Variants in SSH1 observed in about 807,000 individuals in gnomAD.
SSH1 encodes the protein slingshot protein phosphatase 1, also known as protein phosphatase Slingshot homolog 1.
SSH1 carries 43 observed loss-of-function variants against 79.7 expected under a neutral mutation model. The ratio of observed to expected loss-of-function variants is 0.54; its 90% CI spans 0.42 to 0.70. SSH1 has a LOEUF of 0.70. Ranked by LOEUF, SSH1 falls within the 30% of genes least tolerant of loss-of-function variation. The pLI, the probability that SSH1 is intolerant of heterozygous loss-of-function variation, is 0.00. For synonymous variants in SSH1, 599 were observed against 538.3 expected (o/e 1.11, Z -1.56); for missense variants, 1,206 against 1,358.8 (o/e 0.89, Z 1.77).
chr12:108,787,892 G>T lies in SSH1; in HGVS notation c.*96C>A. ...TTAGGATGACTTCACTCGTTTAAGG[G>T]AAATCAAGATGTAAGGGGTCGATCC... is the stretch of plus-strand genomic sequence containing the variant. On this transcript the variant is annotated 3_prime_UTR_variant, in exon 15 of 15. Transcript: ENST00000326495. 1 of 1,503,604 alleles carries T rather than the reference G, an allele frequency of 6.7e-7. No individual in the cohort carries two copies. Among genetic ancestry groups the T allele is most frequent in the Non-Finnish European group, 9.2e-7 (1 of 1,089,242 alleles). 93.1% of individuals were successfully genotyped at this position (1,503,604 alleles called of 1,614,324 possible). A position where few individuals can be genotyped will look rare whatever the true frequency, so the allele number is the denominator to read the frequency against.
At position 108,779,445 on chromosome 12, in the gene SSH1, A is replaced by T. The variant is rs1446719845; in HGVS notation, c.*8543T>A. The T allele has an allele frequency of 6.6e-6, 1 of 152,030 alleles. No individual in the cohort carries two copies. The highest frequency in any genetic ancestry group is 1.5e-5 in the Non-Finnish European group (1 of 68,000). The allele number at this position is 152,030 out of a possible 1,614,324, so 9.4% of individuals were successfully genotyped here. A position where few individuals can be genotyped will look rare whatever the true frequency, so the allele number is the denominator to read the frequency against. On this transcript the variant is annotated 3_prime_UTR_variant, in exon 15 of 15. Transcript: ENST00000326495. ...ATGCATCTTTGTCTGGCTTCTTTCT[A>T]CTTCTGGGGTGGGAGAGACAGCTCT...
At chr12:108,789,778 A>AC (rs2036424575) in intron 14 of SSH1, among the ~76,000 whole-genome samples, 1 of 151,030 alleles carries the variant, frequency 6.6e-6, no homozygotes, top group African/African-American at 2.4e-5. Context: ...GGAGGAGGGC[A>AC]CCCCCCTACC....
At chr12:108,801,736 TAA>T (rs10710750) in intron 11 of SSH1, among the ~76,000 whole-genome samples, 282 of 137,630 alleles carry the variant, frequency 2.0e-3, no homozygotes, top group South Asian at 4.3e-3. Context: ...TGTGTTGTTT[TAA>T]AAAAAAAAAA....
At chr12:108,816,606 T>A (rs965540061) in intron 5 of SSH1, among the ~76,000 whole-genome samples, 3 of 152,024 alleles carry the variant, frequency 2.0e-5, no homozygotes, top group African/African-American at 7.2e-5. Flanking sequence ...TGGGGTGAGG[T>A]GTCTGAGGCG....
At chr12:108,837,092 C>T (rs756505368) in intron 2 of SSH1, 5 of 377,818 alleles carry the variant, frequency 1.3e-5, no homozygotes, top group Admixed American at 1.1e-4. Context: ...ATTAGCCGAG[C>T]GTGGTGGAGC....
chr12:108,809,658 T>C, intron 7 of SSH1, 35 bp downstream of exon 7: 1 of 1,571,988 alleles, frequency 6.4e-7, no homozygotes, highest in African/African-American at 1.3e-5. Flanking sequence ...AGAAAATATT[T>C]CTAGGGAGTT....
Position 108,807,506 on chromosome 12 carries a change from G to A in SSH1, c.731+127C>T. ...AAACGCTGGTTCTGAGAAAGCTAGGGTTCTCACTCAAGGGACTCCAGGGGA... is the reference window on the plus strand; with the variant it reads ...AAACGCTGGTTCTGAGAAAGCTAGGATTCTCACTCAAGGGACTCCAGGGGA... On this transcript the variant is annotated intron_variant, in intron 8 of 14. Transcript: ENST00000326495. The surrounding 1 kb of genome is among the most constrained non-coding windows in gnomAD (Gnocchi z 5.2). 1 of 823,114 alleles carries A rather than the reference G, an allele frequency of 1.2e-6. No individual in the cohort carries two copies. Among genetic ancestry groups the A allele is most frequent in the Non-Finnish European group, 2.0e-6 (1 of 500,142 alleles). 51.0% of individuals were successfully genotyped at this position (823,114 alleles called of 1,614,324 possible).
At chr12:108,830,759 G>A (rs1457695257) in intron 2 of SSH1, among the ~76,000 whole-genome samples, 1 of 152,022 alleles carries the variant, frequency 6.6e-6, no homozygotes, top group African/African-American at 2.4e-5. Context: ...TAAGGGAGAC[G>A]CTGCATCATG....
chr12:108,853,275 T>G, intron 1 of SSH1: 1 of 984,904 alleles, frequency 1.0e-6, no homozygotes, highest in Non-Finnish European at 1.2e-6. Flanking sequence ...AAGAAAGAGA[T>G]ATTTAATATT....
At chr12:108,792,930 G>C in intron 13 of SSH1, 101 bp from the exon 14 acceptor site, 2 of 1,439,844 alleles carry the variant, frequency 1.4e-6, no homozygotes, top group African/African-American at 1.4e-5. Context: ...CCCAAGGTCA[G>C]GGCGCCAGGG....
chr12:108,802,202 T>G, intron 11 of SSH1, 120 bp downstream of exon 11: 1 of 847,856 alleles, frequency 1.2e-6, no homozygotes, highest in Non-Finnish European at 2.0e-6. Context: ...GGCAGCCACT[T>G]CAGAGACCAG....
chr12:108,811,283 C>T lies in SSH1; in HGVS notation c.447G>A (p.Thr149=), dbSNP rs754968088. 133 of 1,614,064 alleles carry T rather than the reference C, an allele frequency of 8.2e-5. No individual in the cohort carries two copies. Among genetic ancestry groups the T allele is most frequent in the Non-Finnish European group, 1.1e-4 (126 of 1,180,028 alleles). ...ACCCATCTCCATCAAGGTGGATTTT[C>T]GTGTCGCTCCACAGTCGGAGAACCA... ...IGMVLRLWSD[T]KIHLDGDGGF... The change falls in exon 6 of 15, where the codon ACG becomes ACA. Residue 149 remains threonine (T), a synonymous_variant. Transcript: ENST00000326495.
intron 12 of SSH1, among the ~76,000 whole-genome samples, chr12:108,799,569 G>C (rs995551298): frequency 6.6e-6 from 1 of 152,194 alleles, no homozygotes; most frequent in Non-Finnish European, 1.5e-5. Context: ...TTCCTGAGAC[G>C]AGAGTGGGCA....
chr12:108,818,220 T>C (rs1243367857), intron 4 of SSH1, 29 bp downstream of exon 4: 2 of 1,610,784 alleles, frequency 1.2e-6, no homozygotes, highest in Non-Finnish European at 1.7e-6. Context: ...AAAAAAATTT[T>C]TTAACTTGAC....
chr12:108,815,384 C>T (rs2037836911), intron 5 of SSH1, among the ~76,000 whole-genome samples: 1 of 152,196 alleles, frequency 6.6e-6, no homozygotes, highest in South Asian at 2.1e-4. Flanking sequence ...CACACTGCTC[C>T]CACGGTTAGG....
At chr12:108,843,736 T>C (rs1673836704) in intron 2 of SSH1, among the ~76,000 whole-genome samples, 1 of 152,162 alleles carries the variant, frequency 6.6e-6, no homozygotes, top group Admixed American at 6.5e-5. Context: ...GGTTTCACCA[T>C]GTTGCCCAGG....
chr12:108,845,215 TAAAAAAAAAAAGA>T (rs2038871748), intron 2 of SSH1, among the ~76,000 whole-genome samples: 1 of 115,564 alleles, frequency 8.7e-6, no homozygotes, highest in Non-Finnish European at 1.9e-5. Flanking sequence ...AAAAAAAAAG[TAAAAAAAAAAAGA>T]AAATGAATTC....
intron 1 of SSH1, among the ~76,000 whole-genome samples, chr12:108,855,137 T>C (rs575793196): frequency 6.6e-6 from 1 of 152,156 alleles, no homozygotes; most frequent in South Asian, 2.1e-4. Flanking sequence ...ATCCATACAA[T>C]GGAGTATTAT....
At chr12:108,797,236 C>A (rs1161789122) in intron 13 of SSH1, among the ~76,000 whole-genome samples, 1 of 152,214 alleles carries the variant, frequency 6.6e-6, no homozygotes, top group Non-Finnish European at 1.5e-5. Context: ...AAGCAACCCT[C>A]TGATCTCAGC....
Sources: gnomAD v4.1 joint callset for allele counts (sites outside exome capture counted in the v4.1 genomes callset) on GRCh38, gnomAD v4.1.1 for gene constraint, Gnocchi (gnomAD v3.1) non-coding constraint, MANE v1.5 for transcripts, NCBI Gene and HGNC (gene_info 2026-07-23, HGNC 2026-07-21) for gene names.